COL27A1: variants seen among roughly 807,000 people sequenced by gnomAD.
The protein encoded by COL27A1 is collagen type XXVII alpha 1 chain.
In COL27A1, 106 loss-of-function variants were observed where a neutral mutation model predicts 251.3. That is an observed-to-expected ratio of 0.42 (90% CI 0.36 to 0.50). The LOEUF (loss-of-function observed/expected upper bound fraction) is 0.50. Among genes scored for constraint, COL27A1 ranks in the 20% least tolerant of loss-of-function variants. The pLI is 0.00. For missense variants in COL27A1, 2,325 were observed against 2,522.8 expected, an observed-to-expected ratio of 0.92 and a Z score of 1.68; for synonymous variants, 1,000 against 986.3, an observed-to-expected ratio of 1.01 and a Z score of -0.26.
At chr9:114,269,838 C>A (rs1370737924) in intron 35 of COL27A1, among the ~76,000 whole-genome samples, 1 of 152,132 alleles carries the variant, frequency 6.6e-6, no homozygotes, top group East Asian at 1.9e-4. Flanking sequence ...GCATGGACCA[C>A]CCAACTGGCA....
chr9:114,308,923 G>C (rs369973847), intron 59 of COL27A1, among the ~76,000 whole-genome samples: 1 of 152,056 alleles, frequency 6.6e-6, no homozygotes, highest in Non-Finnish European at 1.5e-5. Flanking sequence ...TCTTAGTCTT[G>C]GGCAAAACCC....
intron 14 of COL27A1, among the ~76,000 whole-genome samples, chr9:114,228,289 T>A (rs1042943347): frequency 1.2e-4 from 19 of 152,226 alleles, no homozygotes; most frequent in African/African-American, 4.6e-4. Flanking sequence ...GTTTCTGAGC[T>A]GCTGGCGGCC....
rs115234455 is a variant in COL27A1 at position 114,193,880 on chromosome 9, A to G, written c.2017-524A>G. The stretch of plus-strand genomic sequence containing the variant: ...GTCCTGGCCACGTGCACGGGCAGAG[A>G]CTGGTCACCTGGAGGATGGACGCAG... On this transcript the variant is annotated intron_variant, in intron 5 of 60. Coordinates refer to ENST00000356083, the MANE Select transcript of COL27A1 (RefSeq NM_032888.4). Among the ~76,000 whole-genome samples, 1,190 of 152,258 alleles carry G rather than the reference A, an allele frequency of 7.8e-3. 11 individuals are homozygous for G. Among genetic ancestry groups the G allele is most frequent in the African/African-American group, 0.027 (1,133 of 41,556 alleles).
intron 55 of COL27A1, 48 bp downstream of exon 55, chr9:114,301,765 T>C: frequency 3.2e-6 from 5 of 1,564,932 alleles, no homozygotes; most frequent in Non-Finnish European, 4.4e-6. Context: ...GGGGGTTCCT[T>C]TGAAGGAGAT....
chr9:114,227,311 G>GTTTT (rs5900077), intron 14 of COL27A1, among the ~76,000 whole-genome samples: 1 of 128,938 alleles, frequency 7.8e-6, no homozygotes, highest in African/African-American at 3.0e-5. Flanking sequence ...AACCTTGAGT[G>GTTTT]TTTTTTTTTT....
intron 25 of COL27A1, among the ~76,000 whole-genome samples, chr9:114,251,251 C>A (rs1334729974): frequency 6.6e-6 from 1 of 152,110 alleles, no homozygotes; most frequent in Non-Finnish European, 1.5e-5. Flanking sequence ...AGAGCAGGCC[C>A]TCTGGGAGAA....
chr9:114,169,565 A>T (rs1303847793), intron 3 of COL27A1, 102 bp downstream of exon 3: 16 of 951,990 alleles, frequency 1.7e-5, no homozygotes, highest in Non-Finnish European at 2.0e-5. Flanking sequence ...GGAGCAGCTT[A>T]GAGCAGGGAG....
intron 49 of COL27A1, among the ~76,000 whole-genome samples, chr9:114,293,004 G>A (rs1564579630): frequency 6.6e-6 from 1 of 152,132 alleles, no homozygotes; most frequent in Non-Finnish European, 1.5e-5. Context: ...TATACTCAAG[G>A]ATTTCAATAT....
intron 7 of COL27A1, among the ~76,000 whole-genome samples, chr9:114,200,438 ATC>A (rs1829484477): frequency 6.6e-6 from 1 of 152,202 alleles, no homozygotes; most frequent in African/African-American, 2.4e-5. Flanking sequence ...TCACTGGTGT[ATC>A]TCTAGTGCCT....
intron 3 of COL27A1, among the ~76,000 whole-genome samples, chr9:114,177,190 G>A (rs1004619744): frequency 6.6e-6 from 1 of 152,206 alleles, no homozygotes; most frequent in African/African-American, 2.4e-5. Flanking sequence ...GGAACTGCAG[G>A]AAGTGTGCAG....
chr9:114,275,197 G>A (rs1245323281), intron 36 of COL27A1, among the ~76,000 whole-genome samples: 4 of 152,020 alleles, frequency 2.6e-5, no homozygotes, highest in East Asian at 1.9e-4. Flanking sequence ...CCAGGAGGTC[G>A]AGGCTGCGGT....
At chr9:114,274,590 A>G (rs1030429232) in intron 36 of COL27A1, among the ~76,000 whole-genome samples, 5 of 152,244 alleles carry the variant, frequency 3.3e-5, no homozygotes, top group African/African-American at 1.2e-4. Context: ...CCCCAGAGAA[A>G]GTATTCTGCA....
At chr9:114,209,448 G>A in intron 10 of COL27A1, 1 of 770,926 alleles carries the variant, frequency 1.3e-6, no homozygotes, top group Non-Finnish European at 2.4e-6. Flanking sequence ...TGGCGTGAGG[G>A]TATGTGCCTT....
intron 8 of COL27A1, 147 bp downstream of exon 8, chr9:114,205,293 A>G: frequency 3.0e-6 from 2 of 670,070 alleles, no homozygotes; most frequent in Non-Finnish European, 5.0e-6. Flanking sequence ...CCCCCAGCCC[A>G]CTCCAGTCCA....
chr9:114,160,343 G>T (rs931967301), intron 1 of COL27A1, among the ~76,000 whole-genome samples: 14 of 152,006 alleles, frequency 9.2e-5, no homozygotes, highest in Non-Finnish European at 1.6e-4. Context: ...TTTTGGTAGA[G>T]ATGGGGTTTC....
chr9:114,212,383 G>A (rs1044807278), intron 12 of COL27A1, among the ~76,000 whole-genome samples: 5 of 152,250 alleles, frequency 3.3e-5, no homozygotes, highest in African/African-American at 1.2e-4. Context: ...CCTGCTATGG[G>A]CCAAGCATTT....
intron 7 of COL27A1, among the ~76,000 whole-genome samples, chr9:114,199,877 G>A (rs1261785428): frequency 1.3e-5 from 2 of 152,200 alleles, no homozygotes; most frequent in Non-Finnish European, 2.9e-5. Flanking sequence ...TCCTGACACA[G>A]CCCCTGAATC....
At chr9:114,249,516 A>C (rs73566409) in intron 24 of COL27A1, among the ~76,000 whole-genome samples, 187 of 152,308 alleles carry the variant, frequency 1.2e-3, no homozygotes, top group African/African-American at 4.4e-3. Context: ...GGAGCCACAC[A>C]ACCAGAGCGG....
chr9:114,310,263 T>A (rs1482862643), intron 60 of COL27A1, among the ~76,000 whole-genome samples: 2 of 152,162 alleles, frequency 1.3e-5, no homozygotes, highest in Non-Finnish European at 2.9e-5. Context: ...TATATGTATA[T>A]GAGATGTACT....
Sources: allele counts gnomAD v4.1 joint callset (sites outside exome capture counted in the v4.1 genomes callset), GRCh38; gene constraint gnomAD v4.1.1; transcripts MANE v1.5; gene names NCBI Gene and HGNC (gene_info 2026-07-23, HGNC 2026-07-21).